FAM228B: variants seen among roughly 807,000 people sequenced by gnomAD.
FAM228B encodes the protein family with sequence similarity 228 member B.
Under a neutral mutation model 42.6 loss-of-function variants are expected in FAM228B, and 38 were observed. The observed-to-expected ratio is 0.89, with a 90% CI of 0.69 to 1.17. The LOEUF (loss-of-function observed/expected upper bound fraction) is 1.17. FAM228B is among the 50% of genes most tolerant of loss of function. The pLI, the probability that FAM228B is intolerant of heterozygous loss-of-function variation, is 0.00. For missense variants in FAM228B, 344 were observed against 367.3 expected, an observed-to-expected ratio of 0.94 and a Z score of 0.52; for synonymous variants, 109 against 122.3, an observed-to-expected ratio of 0.89 and a Z score of 0.72.
At position 24,084,089 on chromosome 2, in the gene FAM228B, G is replaced by T. The variant is rs999342843; in HGVS notation, c.-210+3134G>T. On this transcript the variant is annotated intron_variant, in intron 2 of 10. Transcript: ENST00000613899. This position sits in a 1 kb window ranked among gnomAD's most constrained non-coding sequence, Gnocchi z 8.4. The stretch of plus-strand genomic sequence containing the variant: ...CCAGCGCAGCTGCCTGCTGGGTGTG[G>T]AGCGGTGCACGCCTTCACGTCTGGT... 2.1e-6 allele frequency: 3 copies of T among 1,458,824 alleles called. No homozygotes were observed. The highest frequency in any genetic ancestry group is 2.7e-6 in the Non-Finnish European group (3 of 1,106,156). The allele number at this position is 1,458,824 out of a possible 1,614,324, so 90.4% of individuals were successfully genotyped here.
chr2:24,152,023 C>T (rs1414921506), intron 7 of FAM228B, among the ~76,000 whole-genome samples: 3 of 152,004 alleles, frequency 2.0e-5, no homozygotes, highest in Non-Finnish European at 4.4e-5. Flanking sequence ...TGTGTGCCAC[C>T]ATGCCTGGCT....
chr2:24,167,729 CCT>C (rs1368526318), intron 10 of FAM228B, 46 bp downstream of exon 10: 5 of 1,547,074 alleles, frequency 3.2e-6, no homozygotes, highest in East Asian at 2.4e-5. Context: ...ATTCCTTACC[CCT>C]GTTTCTTGCC....
intron 5 of FAM228B, among the ~76,000 whole-genome samples, chr2:24,143,094 G>C (rs1666794355): frequency 6.6e-6 from 1 of 151,960 alleles, no homozygotes; most frequent in Non-Finnish European, 1.5e-5. Context: ...ACTGAGTTTG[G>C]GTATAGTATC....
chr2:24,126,520 T>C (rs1034545022), intron 2 of FAM228B, among the ~76,000 whole-genome samples: 1 of 152,240 alleles, frequency 6.6e-6, no homozygotes, highest in African/African-American at 2.4e-5. Flanking sequence ...TTTTGCCCAC[T>C]TTAAAATTGG....
chr2:24,116,541 T>C (rs921199954), intron 3 of FAM228B, among the ~76,000 whole-genome samples: 1 of 151,966 alleles, frequency 6.6e-6, no homozygotes, highest in Admixed American at 6.6e-5. Context: ...TCACAACGTA[T>C]GCTTAAGATT....
At position 24,084,385 on chromosome 2, in the gene FAM228B, A is replaced by G. The variant is rs1007851994; in HGVS notation, c.-210+3430A>G. 2.9e-5 allele frequency: 38 copies of G among 1,330,224 alleles called. No homozygotes were observed. Among genetic ancestry groups the G allele is most frequent in the African/African-American group, 2.0e-4 (13 of 66,070 alleles). 82.4% of individuals were successfully genotyped at this position (1,330,224 alleles called of 1,614,324 possible). On this transcript the variant is annotated intron_variant, in intron 2 of 10. Coordinates refer to the FAM228B transcript ENST00000613899. The surrounding 1 kb of genome is among the most constrained non-coding windows in gnomAD (Gnocchi z 8.4). ...ACAGGACAGGGCAGGGCAGGGCAGG[A>G]CAGGACAGGGCAGGGCAGGACAGGA...
intron 3 of FAM228B, among the ~76,000 whole-genome samples, chr2:24,100,472 C>G (rs984437703): frequency 6.6e-6 from 1 of 152,314 alleles, no homozygotes; most frequent in Non-Finnish European, 1.5e-5. Flanking sequence ...AGACACTTCT[C>G]AAAAGAAGAC....
At chr2:24,131,839 T>G (rs745890668) in intron 2 of FAM228B, among the ~76,000 whole-genome samples, 1 of 152,242 alleles carries the variant, frequency 6.6e-6, no homozygotes, top group Non-Finnish European at 1.5e-5. Context: ...GTTGCCTGAT[T>G]GCCCTGGCCA....
intron 9 of FAM228B, among the ~76,000 whole-genome samples, chr2:24,166,733 G>A (rs1053471480): frequency 8.5e-5 from 13 of 152,126 alleles, no homozygotes; most frequent in African/African-American, 2.2e-4. Context: ...GGGGACGAAT[G>A]AAGAGGACTG....
intron 7 of FAM228B, among the ~76,000 whole-genome samples, chr2:24,161,043 T>G (rs928238683): frequency 6.6e-6 from 1 of 152,230 alleles, no homozygotes; most frequent in Non-Finnish European, 1.5e-5. Context: ...ACAACTGATT[T>G]CATCCAAGAA....
chr2:24,085,934 T>C (rs1321258498), intron 2 of FAM228B: 1 of 152,166 alleles, frequency 6.6e-6, no homozygotes, highest in East Asian at 1.9e-4. Context: ...GACCCTGCTA[T>C]GAGAATAACA....
chr2:24,094,001 T>C (rs1205447733), intron 2 of FAM228B, among the ~76,000 whole-genome samples: 3 of 149,858 alleles, frequency 2.0e-5, no homozygotes, highest in African/African-American at 7.3e-5. Context: ...GTATTTCTGG[T>C]TCTAGATCCC....
intron 2 of FAM228B, among the ~76,000 whole-genome samples, chr2:24,125,395 C>A (rs1666283799): frequency 6.6e-6 from 1 of 152,154 alleles, no homozygotes; most frequent in South Asian, 2.1e-4. Context: ...ATAAAGTGTA[C>A]AAACTTGGTA....
chr2:24,079,640 C>A (rs1264543082), intron 1 of FAM228B: 1 of 1,613,342 alleles, frequency 6.2e-7, no homozygotes, highest in Non-Finnish European at 8.5e-7. Flanking sequence ...AACTCCAGCA[C>A]CTTCCATAGG....
At chr2:24,149,372 T>C (rs1666970718) in intron 7 of FAM228B, among the ~76,000 whole-genome samples, 5 of 152,220 alleles carry the variant, frequency 3.3e-5, no homozygotes, top group Admixed American at 3.3e-4. Context: ...TTTCTCTACG[T>C]CTTTGCCAGC....
chr2:24,116,764 G>T (rs1286989329), intron 3 of FAM228B, among the ~76,000 whole-genome samples: 1 of 151,812 alleles, frequency 6.6e-6, no homozygotes, highest in Non-Finnish European at 1.5e-5. Context: ...TGAGGCAGGA[G>T]AATCTCTTGA....
intron 7 of FAM228B, among the ~76,000 whole-genome samples, chr2:24,157,518 A>G (rs1384334409): frequency 6.6e-6 from 1 of 152,000 alleles, no homozygotes; most frequent in Non-Finnish European, 1.5e-5. Flanking sequence ...CGGGTGGATG[A>G]CCTGAGGTCA....
chr2:24,108,641 C>G (rs970897142), intron 3 of FAM228B, among the ~76,000 whole-genome samples: 1 of 152,122 alleles, frequency 6.6e-6, no homozygotes, highest in African/African-American at 2.4e-5. Context: ...GTGGCTCATG[C>G]CTGTAATCCC....
At chr2:24,108,033 C>T (rs1239482107) in intron 3 of FAM228B, among the ~76,000 whole-genome samples, 1 of 151,988 alleles carries the variant, frequency 6.6e-6, no homozygotes, top group African/African-American at 2.4e-5. Flanking sequence ...ACTAGCTAGA[C>T]TAATAAAGAA....
Sources: gnomAD v4.1 joint callset for allele counts (sites outside exome capture counted in the v4.1 genomes callset) on GRCh38, gnomAD v4.1.1 for gene constraint, Gnocchi (gnomAD v3.1) non-coding constraint, MANE v1.5 for transcripts, NCBI Gene and HGNC (gene_info 2026-07-23, HGNC 2026-07-21) for gene names.